The following OLA1 variants were observed in gnomAD, a reference collection of about 807,000 sequenced individuals.
OLA1 encodes Obg like ATPase 1.
A neutral mutation model predicts 48.4 loss-of-function variants in OLA1; 14 were observed. The ratio of observed to expected loss-of-function variants is 0.29; its 90% confidence interval spans 0.19 to 0.45. The LOEUF is 0.45. OLA1 is among the 20% of genes least tolerant of loss of function. OLA1 has a pLI of 1.00. For missense variants in OLA1, 325 were observed against 467.1 expected, an observed-to-expected ratio of 0.70 and a Z score of 2.80; for synonymous variants, 127 against 150.4, an observed-to-expected ratio of 0.84 and a Z score of 1.14.
At position 174,085,842 on chromosome 2, in the gene OLA1, T is replaced by C. The variant is rs141831304; in HGVS notation, c.729-3778A>G. On this transcript the variant is annotated intron_variant, in intron 7 of 10. Transcript: ENST00000284719. Reference sequence around the variant, plus strand: ...TTTTAAACTTGTTTAATAAGTTCTTTGTCCCTTTCAACATTAATTTGCAAG... The same window carrying C: ...TTTTAAACTTGTTTAATAAGTTCTTCGTCCCTTTCAACATTAATTTGCAAG... Among the ~76,000 whole-genome samples the C allele has an allele frequency of 3.9e-4, 59 of 152,376 alleles. 2 individuals are homozygous for C. In the East Asian group the frequency reaches 0.011, roughly 29 times the overall value.
intron 7 of OLA1, among the ~76,000 whole-genome samples, chr2:174,104,987 A>C (rs939806105): frequency 6.6e-6 from 1 of 151,910 alleles, no homozygotes; most frequent in African/African-American, 2.4e-5. Flanking sequence ...TCTTGTTCTA[A>C]TGGAATTTCA....
intron 8 of OLA1, 145 bp downstream of exon 8, chr2:174,081,779 C>T (rs1684859002): frequency 1.7e-5 from 13 of 764,916 alleles, no homozygotes; most frequent in Non-Finnish European, 2.7e-5. Flanking sequence ...AATCTTTTCA[C>T]TCTGTCTCAT....
intron 4 of OLA1, among the ~76,000 whole-genome samples, chr2:174,149,631 A>G (rs575145574): frequency 2.2e-4 from 34 of 152,338 alleles, no homozygotes; most frequent in African/African-American, 7.7e-4. Context: ...GTCCACTCAA[A>G]ACAGATATTT....
chr2:174,217,279 C>G (rs1031852795), intron 4 of OLA1, among the ~76,000 whole-genome samples: 7 of 151,880 alleles, frequency 4.6e-5, no homozygotes, highest in Non-Finnish European at 8.8e-5. Context: ...GCCCAGGCTG[C>G]TCTCGCACTC....
chr2:174,110,037 A>T (rs990981323), intron 7 of OLA1, among the ~76,000 whole-genome samples: 2 of 150,406 alleles, frequency 1.3e-5, no homozygotes, highest in Non-Finnish European at 2.9e-5. Flanking sequence ...GCTCCCGCTT[A>T]TAAGTGAGAA....
intron 4 of OLA1, among the ~76,000 whole-genome samples, chr2:174,199,842 A>G (rs1687953742): frequency 6.6e-6 from 1 of 152,198 alleles, no homozygotes; most frequent in South Asian, 2.1e-4. Context: ...CAATTATCTG[A>G]AAGGTTATTA....
rs139182029 is a variant in OLA1, at chr2:174,074,243, C to T, written c.*1183G>A. 47 of 152,022 alleles carry T rather than the reference C, an allele frequency of 3.1e-4. No individual in the cohort carries two copies. The highest frequency in any genetic ancestry group is 1.1e-3 in the African/African-American group (44 of 41,410). The allele number at this position is 152,022 out of a possible 1,614,324, so 9.4% of individuals were successfully genotyped here. ...ATGGTCCTGTGATCACAGAAGAGCACAAAAGGGCAGAGGACAAGGACAAGG... is the reference window on the plus strand; with the variant it reads ...ATGGTCCTGTGATCACAGAAGAGCATAAAAGGGCAGAGGACAAGGACAAGG... On this transcript the variant is annotated 3_prime_UTR_variant, in exon 11 of 11. Coordinates refer to ENST00000284719, the MANE Select transcript of OLA1 (RefSeq NM_013341.5).
chr2:174,213,069 T>G lies in OLA1; in HGVS notation c.373+9964A>C, dbSNP rs1688279550. 2.0e-5 allele frequency among the ~76,000 whole-genome samples: 3 copies of G among 152,256 alleles called. No individual in the cohort carries two copies. The East Asian group carries it at 5.8e-4, about 29-fold the overall frequency. On this transcript the variant is annotated intron_variant, in intron 4 of 10. Coordinates refer to ENST00000284719, the MANE Select transcript of OLA1 (RefSeq NM_013341.5). Reference sequence around the variant, plus strand: ...CAGAACTCAGGAAAGAATAGGGCAATATATTCCCTACTCCCACCATCACCG... The same window carrying G: ...CAGAACTCAGGAAAGAATAGGGCAAGATATTCCCTACTCCCACCATCACCG...
chr2:174,178,328 C>T (rs1687463135), intron 4 of OLA1, among the ~76,000 whole-genome samples: 1 of 151,928 alleles, frequency 6.6e-6, no homozygotes, highest in Non-Finnish European at 1.5e-5. Context: ...AAACACAGCT[C>T]TCTGGGAAGA....
rs143689163 is a variant in OLA1, at chr2:174,095,432, G to C, written c.729-13368C>G. 5.0e-5 allele frequency among the ~76,000 whole-genome samples: 7 copies of C among 138,834 alleles called. No individual in the cohort carries two copies. In the East Asian group the frequency reaches 1.5e-3, roughly 30 times the overall value. 91.1% of individuals were successfully genotyped at this position (138,834 alleles called of 152,430 possible). A position where few individuals can be genotyped will look rare whatever the true frequency, so the allele number is the denominator to read the frequency against. On this transcript the variant is annotated intron_variant, in intron 7 of 10. Transcript: ENST00000284719. ...TGGTTTTGATTTGCATTTCTCTTAT[G>C]ATTACTGACGTTGTGCATCTTTTCA...
intron 2 of OLA1, among the ~76,000 whole-genome samples, chr2:174,244,629 A>T (rs12991991): frequency 0.44 from 65,334 of 149,730 alleles, 14,101 homozygotes; most frequent in Middle Eastern, 0.49. Flanking sequence ...TTAAAAAAAA[A>T]TTTTTTTTTT....
At chr2:174,130,185 C>T (rs1309878625) in intron 5 of OLA1, among the ~76,000 whole-genome samples, 2 of 152,140 alleles carry the variant, frequency 1.3e-5, no homozygotes, top group African/African-American at 4.8e-5. Context: ...CTCTGAATCA[C>T]AGTATTAAGC....
intron 7 of OLA1, among the ~76,000 whole-genome samples, chr2:174,114,172 C>CAAAAAAA (rs33971592): frequency 1.3e-5 from 1 of 78,208 alleles, no homozygotes; most frequent in Non-Finnish European, 2.3e-5. Context: ...ACTAAAAATA[C>CAAAAAAA]AAAAAAAAAA....
At chr2:174,203,233 C>T (rs1688028910) in intron 4 of OLA1, among the ~76,000 whole-genome samples, 1 of 152,086 alleles carries the variant, frequency 6.6e-6, no homozygotes. Context: ...AACTAAAATT[C>T]TCTCACCATA....
intron 2 of OLA1, among the ~76,000 whole-genome samples, chr2:174,239,418 G>C (rs12474670): frequency 6.6e-6 from 1 of 151,944 alleles, no homozygotes; most frequent in Admixed American, 6.6e-5. Context: ...TGTCACTTAT[G>C]TGCTCAAAAG....
At chr2:174,180,884 G>T (rs960698690) in intron 4 of OLA1, among the ~76,000 whole-genome samples, 2 of 152,182 alleles carry the variant, frequency 1.3e-5, no homozygotes, top group Non-Finnish European at 2.9e-5. Context: ...TTGCTTACTA[G>T]CAAGTAATAA....
chr2:174,222,688 A>C (rs1256355182), intron 4 of OLA1, among the ~76,000 whole-genome samples: 1 of 152,342 alleles, frequency 6.6e-6, no homozygotes, highest in East Asian at 1.9e-4. Flanking sequence ...CCTCCTTAAC[A>C]CACAGAAAAG....
intron 4 of OLA1, among the ~76,000 whole-genome samples, chr2:174,212,215 A>G (rs931080216): frequency 3.3e-5 from 5 of 152,256 alleles, no homozygotes; most frequent in African/African-American, 1.2e-4. Context: ...CTCCTAGGCT[A>G]CAAACCTGTA....
At chr2:174,119,955 A>AC (rs1558962836) in intron 7 of OLA1, among the ~76,000 whole-genome samples, 122 of 116,320 alleles carry the variant, frequency 1.0e-3, no homozygotes, top group African/African-American at 3.4e-3. Flanking sequence ...ACACACACAC[A>AC]AACACACACA....
Sources: allele counts gnomAD v4.1 joint callset (sites outside exome capture counted in the v4.1 genomes callset), GRCh38; gene constraint gnomAD v4.1.1; transcripts MANE v1.5; gene names NCBI Gene and HGNC (gene_info 2026-07-23, HGNC 2026-07-21).